Variants in MYBPC2 observed in about 807,000 individuals in gnomAD.
MYBPC2 encodes the protein myosin-binding protein C, fast-type.
In MYBPC2, 122 loss-of-function variants were observed where a neutral mutation model predicts 137.0. The observed-to-expected ratio is 0.89, with a 90% CI of 0.77 to 1.03. The LOEUF (loss-of-function observed/expected upper bound fraction) is 1.03, where lower values mean the gene tolerates loss of function less well. Ranked by LOEUF, MYBPC2 falls within the 50% of genes least tolerant of loss-of-function variation. The pLI, the probability that MYBPC2 is intolerant of heterozygous loss-of-function variation, is 0.00. For missense variants in MYBPC2, 1,500 were observed against 1,534.4 expected, an observed-to-expected ratio of 0.98 and a Z score of 0.37; for synonymous variants, 626 against 612.3, an observed-to-expected ratio of 1.02 and a Z score of -0.33.
In MYBPC2 at chr19:50,457,272, C is replaced by A. The variant is rs187841343; in HGVS notation, c.2339-1315C>A. Among the ~76,000 whole-genome samples, 931 of 152,352 alleles carry A rather than the reference C, an allele frequency of 6.1e-3. 10 individuals are homozygous for A. The highest frequency in any genetic ancestry group is 0.01 in the Non-Finnish European group (695 of 68,028). On this transcript the variant is annotated intron_variant, in intron 20 of 27. Coordinates refer to ENST00000357701, the MANE Select transcript of MYBPC2 (RefSeq NM_004533.4). ...ATTCCTCCCTGGCCGGCTGCTCCCA[C>A]CCTGACGTTTCAGAACCCAGCTTGT...
chr19:50,443,468 G>A (rs1339086507), intron 9 of MYBPC2, 26 bp from the exon 10 acceptor site: 4 of 1,610,322 alleles, frequency 2.5e-6, no homozygotes, highest in East Asian at 2.2e-5. Flanking sequence ...TCCACGCCCT[G>A]GTTTGAGGTG....
At position 50,451,360 on chromosome 19, in the gene MYBPC2, G is replaced by T; in HGVS notation, c.1609+51G>T. On this transcript the variant is annotated intron_variant, in intron 15 of 27. Coordinates refer to ENST00000357701, the MANE Select transcript of MYBPC2 (RefSeq NM_004533.4). ...GCGGGTCTGAGGGAGGAGGGACCGG[G>T]CTGAGGGAGGAGGGGAATGGCCGAG... 9 of 1,600,944 alleles carry T rather than the reference G, an allele frequency of 5.6e-6. No homozygotes were observed. In the Admixed American group the frequency reaches 1.0e-4, roughly 18 times the overall value.
chr19:50,443,722 C>T lies in MYBPC2; in HGVS notation c.1039C>T (p.Leu347=). The T allele has an allele frequency of 1.2e-6, 2 of 1,613,828 alleles. No individual in the cohort carries two copies. Among genetic ancestry groups the T allele is most frequent in the Non-Finnish European group, 1.7e-6 (2 of 1,179,814 alleles). Residue 347 remains leucine (L), a synonymous_variant, in exon 11 of 28, where the codon CTA becomes TTA. Coordinates refer to ENST00000357701, the MANE Select transcript of MYBPC2 (RefSeq NM_004533.4). ...CCCCTGCCCCACAGAACCTCCAGTC[C>T]TAATTGTCACACCTCTTGAGGACCA... is the stretch of plus-strand genomic sequence containing the variant. ...TELFVKEPPV[L]IVTPLEDQQV...
intron 16 of MYBPC2, among the ~76,000 whole-genome samples, chr19:50,452,532 C>CTATCTATCTATG (rs1568664685): frequency 1.3e-5 from 2 of 151,496 alleles, no homozygotes; most frequent in East Asian, 1.9e-4. Flanking sequence ...ATCTATCTAT[C>CTATCTATCTATG]TATCTATGTA....
intron 12 of MYBPC2, among the ~76,000 whole-genome samples, chr19:50,447,133 A>C (rs1601287799): frequency 6.7e-6 from 1 of 149,948 alleles, no homozygotes; most frequent in Non-Finnish European, 1.5e-5. Context: ...CTTGACCTCC[A>C]CCCCCCAGTA....
At chr19:50,440,767 C>A in intron 7 of MYBPC2, 113 bp from the exon 8 acceptor site, 1 of 1,063,756 alleles carries the variant, frequency 9.4e-7, no homozygotes, top group Non-Finnish European at 1.3e-6. Flanking sequence ...ACAATAAGAC[C>A]CCTAAAGGGA....
rs757854161 is a variant in MYBPC2 at position 50,458,938 on chromosome 19, C to G, written c.2527C>G (p.Pro843Ala). ...CTCAGAGCCACCCAAGATCCGGCTT[C>G]CCCGCCATCTCCGCCAGACCTACAT... ...EIAEPPKIRLPRHLRQTYIRK... is the reference protein window; with the variant it reads ...EIAEPPKIRLARHLRQTYIRK... Residue 843 changes from proline to alanine, a missense_variant, in exon 22 of 28, where the codon CCC becomes GCC. By Grantham distance (27) the Pro-to-Ala change is conservative. Coordinates refer to ENST00000357701, the MANE Select transcript of MYBPC2 (RefSeq NM_004533.4). 14 of 1,612,402 alleles carry G rather than the reference C, an allele frequency of 8.7e-6. No individual in the cohort carries two copies. The highest frequency in any genetic ancestry group is 4.5e-5 in the East Asian group (2 of 44,850).
At chr19:50,462,546 C>T (rs753005247) in intron 26 of MYBPC2, among the ~76,000 whole-genome samples, 2 of 151,984 alleles carry the variant, frequency 1.3e-5, no homozygotes, top group African/African-American at 2.4e-5. Flanking sequence ...AAGTCTCAGA[C>T]AATCAATCAC....
intron 26 of MYBPC2, among the ~76,000 whole-genome samples, chr19:50,463,760 GA>G (rs2039990383): frequency 6.6e-6 from 1 of 152,054 alleles, no homozygotes; most frequent in South Asian, 2.1e-4. Context: ...CCAACATGGT[GA>G]AACCCCATCT....
chr19:50,441,097 A>T (rs1272273264), intron 8 of MYBPC2, 21 bp downstream of exon 8: 1 of 1,561,438 alleles, frequency 6.4e-7, no homozygotes, highest in East Asian at 2.4e-5. Flanking sequence ...GTCTGGGGGG[A>T]GCTGGGCCCT....
At chr19:50,440,323 AAAATAAATAAATAAATAAAT>A (rs58778063) in intron 7 of MYBPC2, among the ~76,000 whole-genome samples, 1 of 139,040 alleles carries the variant, frequency 7.2e-6, no homozygotes, top group Non-Finnish European at 1.5e-5. Flanking sequence ...CTGTGGAAAT[AAAATAAATAAATAAATAAAT>A]AAATAAATAA....
chr19:50,458,536 C>T (rs1296323169), intron 20 of MYBPC2, 51 bp from the exon 21 acceptor site: 6 of 1,589,708 alleles, frequency 3.8e-6, no homozygotes, highest in Admixed American at 3.4e-5. Flanking sequence ...GAAACGGGAG[C>T]GGAGGATGGG....
intron 13 of MYBPC2, among the ~76,000 whole-genome samples, chr19:50,448,853 G>T (rs1450916666): frequency 6.7e-6 from 1 of 149,504 alleles, no homozygotes; most frequent in East Asian, 2.0e-4. Flanking sequence ...TCCTGCCTCA[G>T]CCTCCTGACT....
Position 50,460,123 on chromosome 19 carries a change from G to T in MYBPC2, c.2875G>T (p.Asp959Tyr). The change falls in exon 24 of 28, where the codon GAT becomes TAT. Residue 959 changes from aspartate to tyrosine, a missense_variant. Asp to Tyr is a radical substitution (Grantham distance 160, BLOSUM62 -3). Coordinates refer to ENST00000357701, the MANE Select transcript of MYBPC2 (RefSeq NM_004533.4). ...GGTGGAGTGGCAGGCCCCCAAAGAT[G>T]ATGGGAACAGTGAGATCATGGGGTA... ...ALVEWQAPKD[D>Y]GNSEIMGYFV... The T allele has an allele frequency of 6.3e-7, 1 of 1,577,132 alleles. No individual in the cohort carries two copies.
In MYBPC2 at chr19:50,465,116, C is replaced by A. The variant is rs558148656; in HGVS notation, c.3415+584C>A. On this transcript the variant is annotated intron_variant, in intron 27 of 27. Coordinates refer to ENST00000357701, the MANE Select transcript of MYBPC2 (RefSeq NM_004533.4). The surrounding 1 kb of genome is among the most constrained non-coding windows in gnomAD (Gnocchi z 4.5). ...ACCCTTGGACTCTGGCCCCAGAGAG[C>A]TCTCTCTATCCAGAGCTGCTCTGCC... is the stretch of plus-strand genomic sequence containing the variant. 1.1e-4 allele frequency among the ~76,000 whole-genome samples: 16 copies of A among 152,236 alleles called. No homozygotes were observed. The highest frequency in any genetic ancestry group is 1.9e-4 in the Non-Finnish European group (13 of 68,008).
chr19:50,437,792 C>T, intron 7 of MYBPC2, 74 bp downstream of exon 7: 2 of 1,482,236 alleles, frequency 1.3e-6, no homozygotes, highest in Non-Finnish European at 1.8e-6. Context: ...GCTCCATGGC[C>T]CACTGATTCC....
At chr19:50,442,505 A>G (rs533723339) in intron 9 of MYBPC2, among the ~76,000 whole-genome samples, 192 bp downstream of exon 9, 1 of 152,276 alleles carries the variant, frequency 6.6e-6, no homozygotes, top group African/African-American at 2.4e-5. Context: ...ACCTAAGGTC[A>G]GGGGTTCGAG....
chr19:50,460,320 C>T, intron 24 of MYBPC2, 141 bp downstream of exon 24: 1 of 1,219,526 alleles, frequency 8.2e-7, no homozygotes, highest in Non-Finnish European at 1.1e-6. Flanking sequence ...AGCCTTTTAG[C>T]TGAGACTTGG....
Position 50,461,952 on chromosome 19 carries a change from C to T in MYBPC2, c.3144C>T (p.Pro1048=). 6.3e-7 allele frequency: 1 copy of T among 1,590,016 alleles called. No homozygotes were observed. Among genetic ancestry groups the T allele is most frequent in the Non-Finnish European group, 8.6e-7 (1 of 1,167,642 alleles). The change falls in exon 26 of 28, where the codon CCC becomes CCT. Residue 1048 remains proline, a synonymous_variant. Coordinates refer to ENST00000357701, the MANE Select transcript of MYBPC2 (RefSeq NM_004533.4). ...EYKEHDFRMA[P]KFLTPLIDRV... ...AGGAGCATGACTTCCGGATGGCTCC[C>T]AAGTTCCTGACACCTCTCATAGACC... is the stretch of plus-strand genomic sequence containing the variant.
Sources: gnomAD v4.1 joint callset for allele counts (sites outside exome capture counted in the v4.1 genomes callset) on GRCh38, gnomAD v4.1.1 for gene constraint, Gnocchi (gnomAD v3.1) non-coding constraint, MANE v1.5 for transcripts, NCBI Gene and HGNC (gene_info 2026-07-23, HGNC 2026-07-21) for gene names.